Variants in TUT4 observed in about 807,000 individuals in gnomAD.
TUT4 encodes the protein terminal uridylyltransferase 4.
Under a neutral mutation model 192.2 loss-of-function variants are expected in TUT4, and 36 were observed. The ratio of observed to expected loss-of-function variants is 0.19; its 90% CI spans 0.14 to 0.25. TUT4 has a LOEUF of 0.25. Ranked by LOEUF, TUT4 falls within the 10% of genes least tolerant of loss-of-function variation. The pLI, the probability that TUT4 is intolerant of heterozygous loss-of-function variation, is 1.00. For missense variants in TUT4, 1,493 were observed against 1,957.2 expected (o/e 0.76, Z 4.47); for synonymous variants, 618 against 666.0 (o/e 0.93, Z 1.11).
intron 3 of TUT4, 60 bp from the exon 4 acceptor site, chr1:52,509,772 C>T: frequency 4.2e-6 from 4 of 949,854 alleles, no homozygotes; most frequent in Non-Finnish European, 6.9e-6. Flanking sequence ...AAACTATTGA[C>T]TATATAAGTG....
rs192754493 is a variant in TUT4, at chr1:52,447,401, A to G, written c.3436-734T>C. Among the ~76,000 whole-genome samples, 61 of 151,718 alleles carry G rather than the reference A, an allele frequency of 4.0e-4. No homozygotes were observed. In the East Asian group the frequency reaches 9.1e-3, roughly 23 times the overall value. ...AAAGCAGAGGTTGCAGTCAGCCGAG[A>G]TCGTGCCACTGCACTCCAGCCTGGG... On this transcript the variant is annotated intron_variant, in intron 20 of 29. Coordinates refer to ENST00000257177, the MANE Select transcript of TUT4 (RefSeq NM_001009881.3).
chr1:52,493,479 C>A, intron 7 of TUT4, 132 bp downstream of exon 7: 2 of 611,588 alleles, frequency 3.3e-6, no homozygotes, highest in Non-Finnish European at 2.9e-6. Flanking sequence ...GTATGTATCT[C>A]CATTTGTAAT....
chr1:52,490,651 T>G lies in TUT4; in HGVS notation c.1388+81A>C, dbSNP rs985470793. The G allele has an allele frequency of 4.8e-6, 6 of 1,250,620 alleles. No homozygotes were observed. In the Admixed American group the frequency reaches 1.5e-4, roughly 32 times the overall value. The allele number at this position is 1,250,620 out of a possible 1,614,324, so 77.5% of individuals were successfully genotyped here. On this transcript the variant is annotated intron_variant, in intron 8 of 29. Transcript: ENST00000257177. ...CCAAGGAGAAATCTAAAACAAAAAC[T>G]TTTTCTCTTAAAGATCATTCACTAC...
intron 2 of TUT4, among the ~76,000 whole-genome samples, chr1:52,519,862 G>A (rs1679761873): frequency 6.6e-6 from 1 of 151,948 alleles, no homozygotes; most frequent in South Asian, 2.1e-4. Context: ...CAAGACAGAA[G>A]TATATACTTT....
intron 4 of TUT4, among the ~76,000 whole-genome samples, chr1:52,503,495 T>C (rs1025173046): frequency 6.6e-6 from 1 of 152,178 alleles, no homozygotes; most frequent in Non-Finnish European, 1.5e-5. Flanking sequence ...CCCTTCTCAC[T>C]CAAAACTATG....
chr1:52,509,500 G>C lies in TUT4; in HGVS notation c.999+96C>G, dbSNP rs912156280. The C allele has an allele frequency of 6.4e-6, 5 of 778,072 alleles. No individual in the cohort carries two copies. In the Middle Eastern group the frequency reaches 1.1e-3, roughly 176 times the overall value. 48.2% of individuals were successfully genotyped at this position (778,072 alleles called of 1,614,324 possible). A position where few individuals can be genotyped will look rare whatever the true frequency, so the allele number is the denominator to read the frequency against. On this transcript the variant is annotated intron_variant, in intron 4 of 29. Transcript: ENST00000257177. ...CACTTCAGTTACCAATATAAGATTG[G>C]ACAAATATTTCATTTTTAGTTTCAC...
At chr1:52,535,411 T>G (rs1284722470) in intron 1 of TUT4, among the ~76,000 whole-genome samples, 1 of 152,170 alleles carries the variant, frequency 6.6e-6, no homozygotes, top group Non-Finnish European at 1.5e-5. Context: ...TCTGATCTTG[T>G]TTCATAGTTA....
At chr1:52,543,071 G>A (rs6691651) in intron 1 of TUT4, among the ~76,000 whole-genome samples, 53,448 of 151,994 alleles carry the variant, frequency 0.35, 13,032 homozygotes, top group African/African-American at 0.7. Context: ...CACCATTTCT[G>A]CTCAACACAG....
At chr1:52,526,898 G>A (rs1238517564) in intron 1 of TUT4, among the ~76,000 whole-genome samples, 7 of 151,990 alleles carry the variant, frequency 4.6e-5, no homozygotes, top group East Asian at 1.9e-4. Context: ...GGTGGCGTGC[G>A]CCTGTAATCC....
chr1:52,442,167 C>CAAAAAAAAAAAAAAAAAA (rs58552556), intron 24 of TUT4, among the ~76,000 whole-genome samples: 1 of 76,382 alleles, frequency 1.3e-5, no homozygotes, highest in Non-Finnish European at 2.6e-5. Context: ...GACTCCACCT[C>CAAAAAAAAAAAAAAAAAA]AAAAAAAAAA....
At chr1:52,463,535 T>A in intron 16 of TUT4, 1 of 1,159,834 alleles carries the variant, frequency 8.6e-7, no homozygotes, top group Non-Finnish European at 1.1e-6. Flanking sequence ...AATTCTTTTA[T>A]AATGTAACAG....
rs545151703 is a variant in TUT4 at position 52,487,701 on chromosome 1, A to G, written c.1515+1208T>C. Among the ~76,000 whole-genome samples, 7 of 152,258 alleles carry G rather than the reference A, an allele frequency of 4.6e-5. No homozygotes were observed. In the South Asian group the frequency reaches 1.5e-3, roughly 32 times the overall value. ...GAGGACTGCTTGAGCCCAGAAGTTC[A>G]AGGCCAGCATGGGCAACATCATGAG... On this transcript the variant is annotated intron_variant, in intron 9 of 29. Transcript: ENST00000257177.
At chr1:52,532,161 G>C (rs1249683688) in intron 1 of TUT4, among the ~76,000 whole-genome samples, 1 of 151,572 alleles carries the variant, frequency 6.6e-6, no homozygotes, top group Admixed American at 6.6e-5. Flanking sequence ...TACCACGCCT[G>C]CCTCTAATCT....
At chr1:52,453,357 G>A (rs1659998223) in intron 20 of TUT4, among the ~76,000 whole-genome samples, 1 of 151,834 alleles carries the variant, frequency 6.6e-6, no homozygotes, top group Admixed American at 6.6e-5. Context: ...ACTCCAGCAT[G>A]GGTGACAAGA....
chr1:52,499,959 C>T (rs894743510), intron 4 of TUT4, among the ~76,000 whole-genome samples: 1 of 150,796 alleles, frequency 6.6e-6, no homozygotes, highest in Non-Finnish European at 1.5e-5. Flanking sequence ...CACACACACA[C>T]ATATATATAT....
chr1:52,449,074 CACACACACAG>C (rs1658515574), intron 20 of TUT4, among the ~76,000 whole-genome samples: 3 of 151,950 alleles, frequency 2.0e-5, no homozygotes, highest in Admixed American at 1.3e-4. Context: ...TTTACACACA[CACACACACAG>C]ACACACACAC....
intron 3 of TUT4, among the ~76,000 whole-genome samples, chr1:52,511,478 A>C (rs1374187138): frequency 1.3e-5 from 2 of 152,212 alleles, no homozygotes; most frequent in Admixed American, 6.5e-5. Context: ...TTTACGTTAC[A>C]GTGTAAGGAG....
At chr1:52,471,895 A>G (rs1382283259) in intron 14 of TUT4, 57 bp downstream of exon 14, 3 of 1,503,776 alleles carry the variant, frequency 2.0e-6, no homozygotes, top group Non-Finnish European at 2.7e-6. Context: ...CAGAAAATTA[A>G]TATTTAATAT....
chr1:52,495,385 G>A (rs1323639245), intron 6 of TUT4, 42 bp downstream of exon 6: 6 of 1,237,132 alleles, frequency 4.8e-6, no homozygotes, highest in Non-Finnish European at 7.0e-6. Flanking sequence ...AAATTACTAA[G>A]TACTAGTTAA....
Sources: gnomAD v4.1 joint callset for allele counts (sites outside exome capture counted in the v4.1 genomes callset) on GRCh38, gnomAD v4.1.1 for gene constraint, MANE v1.5 for transcripts, NCBI Gene and HGNC (gene_info 2026-07-23, HGNC 2026-07-21) for gene names.